Variants in NEGR1 observed in about 807,000 individuals in gnomAD.
NEGR1 encodes neuronal growth regulator 1.
Under a neutral mutation model 40.9 loss-of-function variants are expected in NEGR1, and 10 were observed. That is an observed-to-expected ratio of 0.24 (90% CI 0.15 to 0.42). The LOEUF is 0.42. Among genes scored for constraint, NEGR1 ranks in the 10% least tolerant of loss-of-function variants. The pLI, the probability that NEGR1 is intolerant of heterozygous loss-of-function variation, is 1.00. For synonymous variants in NEGR1, 185 were observed against 166.8 expected (o/e 1.11, Z -0.84); for missense variants, 352 against 438.9 (o/e 0.80, Z 1.77).
At chr1:71,728,355 G>C (rs1350947048) in intron 3 of NEGR1, among the ~76,000 whole-genome samples, 2 of 152,058 alleles carry the variant, frequency 1.3e-5, no homozygotes, top group South Asian at 4.1e-4. Flanking sequence ...GGGTAAATTA[G>C]GGAGATGAAA....
intron 6 of NEGR1, chr1:71,486,361 T>G (rs1260957405): frequency 6.6e-6 from 1 of 151,540 alleles, no homozygotes. Context: ...TCCTCTGATG[T>G]CTTTTGCAAA....
intron 6 of NEGR1, among the ~76,000 whole-genome samples, chr1:71,554,463 G>A (rs1179190865): frequency 6.6e-6 from 1 of 151,104 alleles, no homozygotes; most frequent in Non-Finnish European, 1.5e-5. Context: ...TGTATTTTTC[G>A]GTTACCAGGA....
intron 2 of NEGR1, among the ~76,000 whole-genome samples, chr1:71,879,498 G>T (rs1660524837): frequency 1.3e-5 from 2 of 152,270 alleles, no homozygotes; most frequent in South Asian, 4.1e-4. Flanking sequence ...TTGGAAATGT[G>T]GACTTTGCTG....
chr1:71,993,185 C>T (rs1397301142), intron 1 of NEGR1, among the ~76,000 whole-genome samples: 1 of 152,116 alleles, frequency 6.6e-6, no homozygotes. Flanking sequence ...TAATACTTTC[C>T]ACACCCTAGT....
At chr1:71,710,639 C>T (rs371923852) in intron 3 of NEGR1, among the ~76,000 whole-genome samples, 12 of 152,126 alleles carry the variant, frequency 7.9e-5, no homozygotes, top group Admixed American at 5.2e-4. Flanking sequence ...GACAAACAAT[C>T]GCATGTTCTC....
intron 4 of NEGR1, among the ~76,000 whole-genome samples, chr1:71,622,616 CTA>C (rs1470516308): frequency 7.9e-5 from 12 of 151,692 alleles, no homozygotes; most frequent in African/African-American, 2.9e-4. Flanking sequence ...ATGTTTATTG[CTA>C]TGTTTTAAGC....
chr1:71,726,168 A>T (rs1570263995), intron 3 of NEGR1, among the ~76,000 whole-genome samples: 1 of 151,244 alleles, frequency 6.6e-6, no homozygotes, highest in Non-Finnish European at 1.5e-5. Flanking sequence ...GCTGGAATTT[A>T]TTTTTTTTTC....
At chr1:71,847,968 A>G (rs1659475626) in intron 2 of NEGR1, among the ~76,000 whole-genome samples, 1 of 152,232 alleles carries the variant, frequency 6.6e-6, no homozygotes, top group Non-Finnish European at 1.5e-5. Context: ...TGAAATGAAT[A>G]CACAAATGAT....
chr1:71,531,091 C>T (rs357238), intron 6 of NEGR1, among the ~76,000 whole-genome samples: 148,812 of 151,224 alleles, frequency 0.98, 73,269 homozygotes, highest in East Asian at 1. Flanking sequence ...GTTAAGTAAC[C>T]TGACTTGAAT....
chr1:72,093,329 C>CAAAAAAAAA (rs11370565), intron 1 of NEGR1, among the ~76,000 whole-genome samples: 11 of 118,850 alleles, frequency 9.3e-5, no homozygotes, highest in Non-Finnish European at 1.3e-4. Flanking sequence ...GACTCTGCCT[C>CAAAAAAAAA]AAAAAAAAAA....
chr1:72,064,121 G>T (rs1647220823), intron 1 of NEGR1, among the ~76,000 whole-genome samples: 1 of 151,828 alleles, frequency 6.6e-6, no homozygotes, highest in African/African-American at 2.4e-5. Context: ...AATCATACTG[G>T]CCAGAAGAAT....
At chr1:71,636,258 G>A (rs905137356) in intron 4 of NEGR1, among the ~76,000 whole-genome samples, 1 of 152,074 alleles carries the variant, frequency 6.6e-6, no homozygotes, top group African/African-American at 2.4e-5. Context: ...CAAGAGATGT[G>A]AAGAAAATCA....
intron 6 of NEGR1, among the ~76,000 whole-genome samples, chr1:71,521,406 G>A (rs2101430478): frequency 6.6e-6 from 1 of 152,088 alleles, no homozygotes; most frequent in East Asian, 1.9e-4. Flanking sequence ...GAGATTTGTT[G>A]AGTACAGGGG....
intron 3 of NEGR1, among the ~76,000 whole-genome samples, chr1:71,722,668 CA>C (rs1384166452): frequency 2.0e-5 from 3 of 151,902 alleles, no homozygotes; most frequent in African/African-American, 7.3e-5. Flanking sequence ...TACTTAGCTA[CA>C]AAATATAGGA....
At chr1:71,846,122 C>A (rs1659399895) in intron 2 of NEGR1, among the ~76,000 whole-genome samples, 1 of 151,930 alleles carries the variant, frequency 6.6e-6, no homozygotes, top group Non-Finnish European at 1.5e-5. Flanking sequence ...CTCTCTCCTG[C>A]CAACCTGGAA....
chr1:71,566,806 A>G (rs1479058628), intron 6 of NEGR1, among the ~76,000 whole-genome samples: 1 of 152,188 alleles, frequency 6.6e-6, no homozygotes, highest in African/African-American at 2.4e-5. Context: ...TGTATTTCTC[A>G]TAGTTCTGAA....
chr1:71,779,560 T>C (rs1157781852), intron 2 of NEGR1, among the ~76,000 whole-genome samples: 1 of 90,596 alleles, frequency 1.1e-5, no homozygotes, highest in East Asian at 4.7e-4. Context: ...TTATAATAGA[T>C]AAAAACTTTT....
intron 6 of NEGR1, among the ~76,000 whole-genome samples, chr1:71,470,411 C>A (rs1646774632): frequency 6.6e-6 from 1 of 151,912 alleles, no homozygotes; most frequent in Admixed American, 6.6e-5. Flanking sequence ...CTAGGACATT[C>A]CTAAAAGAGT....
chr1:71,927,924 G>A (rs558321128), intron 2 of NEGR1, among the ~76,000 whole-genome samples: 1 of 146,730 alleles, frequency 6.8e-6, no homozygotes, highest in Non-Finnish European at 1.5e-5. Context: ...CCTGAGGCCA[G>A]GGAGGTTGAG....
Sources: allele counts gnomAD v4.1 joint callset (sites outside exome capture counted in the v4.1 genomes callset), GRCh38; gene constraint gnomAD v4.1.1; transcripts MANE v1.5; gene names NCBI Gene and HGNC (gene_info 2026-07-23, HGNC 2026-07-21).